GPHN: variants seen among roughly 807,000 people sequenced by gnomAD.
GPHN encodes the protein gephyrin.
GPHN carries 17 observed loss-of-function variants against 95.5 expected under a neutral mutation model. That is an observed-to-expected ratio of 0.18 (90% CI 0.12 to 0.27). The LOEUF (loss-of-function observed/expected upper bound fraction) is 0.27. GPHN is among the 10% of genes least tolerant of loss of function. The pLI, the probability that GPHN is intolerant of heterozygous loss-of-function variation, is 1.00. For synonymous variants in GPHN, 320 were observed against 322.5 expected (o/e 0.99, Z 0.08); for missense variants, 660 against 978.1 (o/e 0.67, Z 4.34).
At chr14:67,370,249 A>G in the GPHN span, among the ~76,000 whole-genome samples, 2 of 152,208 alleles carry the variant, frequency 1.3e-5, no homozygotes, top group African/African-American at 4.8e-5. Flanking sequence ...CATTATGGAC[A>G]TGTCGCAGTG....
At chr14:66,743,813 T>C (rs779419646) in intron 2 of GPHN, among the ~76,000 whole-genome samples, 7 of 152,192 alleles carry the variant, frequency 4.6e-5, no homozygotes, top group Non-Finnish European at 1.0e-4. Flanking sequence ...ATTTCCTTTA[T>C]CTTCTTGTAT....
intron 1 of GPHN, among the ~76,000 whole-genome samples, chr14:66,565,968 CTT>C (rs60387447): frequency 2.8e-5 from 4 of 143,232 alleles, no homozygotes; most frequent in Non-Finnish European, 3.1e-5. Flanking sequence ...AAAGAAAATT[CTT>C]TTTTTTTTTT....
chr14:66,766,040 A>G (rs1369318468), intron 2 of GPHN, among the ~76,000 whole-genome samples: 2 of 152,174 alleles, frequency 1.3e-5, no homozygotes, highest in Non-Finnish European at 2.9e-5. Context: ...TTGAGGGATA[A>G]TGGTTCTTGG....
chr14:67,405,986 G>A, the GPHN span, among the ~76,000 whole-genome samples: 7 of 152,162 alleles, frequency 4.6e-5, no homozygotes, highest in Non-Finnish European at 1.0e-4. Context: ...GGCCAGGCAC[G>A]GTGGCTCACA....
At chr14:67,302,664 C>T in the GPHN span, 2 of 981,424 alleles carry the variant, frequency 2.0e-6, no homozygotes, top group Non-Finnish European at 2.8e-6. Flanking sequence ...CTGTTAAGAG[C>T]ACTAGATGAT....
At chr14:67,625,360 A>G in the GPHN span, among the ~76,000 whole-genome samples, 1 of 152,162 alleles carries the variant, frequency 6.6e-6, no homozygotes, top group Non-Finnish European at 1.5e-5. Flanking sequence ...TAAATTAAAT[A>G]CATCTATGTT....
chr14:66,902,370 C>T (rs1433468844), intron 5 of GPHN, among the ~76,000 whole-genome samples: 3 of 152,012 alleles, frequency 2.0e-5, no homozygotes, highest in Admixed American at 2.0e-4. Context: ...GTTTCTTTCT[C>T]ATGCCTAATT....
intron 4 of GPHN, among the ~76,000 whole-genome samples, chr14:66,877,217 G>T (rs1164072642): frequency 6.6e-6 from 1 of 152,106 alleles, no homozygotes; most frequent in Non-Finnish European, 1.5e-5. Context: ...CAATAAACTA[G>T]GTATTGATGG....
intron 2 of GPHN, among the ~76,000 whole-genome samples, chr14:66,714,710 T>C (rs1386047413): frequency 2.0e-5 from 3 of 152,168 alleles, no homozygotes; most frequent in African/African-American, 7.2e-5. Flanking sequence ...TGTCAAATGC[T>C]TTTTTTGCAT....
chr14:67,208,322 A>C, the GPHN span: 1 of 1,614,018 alleles, frequency 6.2e-7, no homozygotes, highest in Non-Finnish European at 8.5e-7. Flanking sequence ...TGAAGGTAAA[A>C]GATATTTTCA....
At chr14:66,552,391 T>G (rs2059845573) in intron 1 of GPHN, among the ~76,000 whole-genome samples, 2 of 152,222 alleles carry the variant, frequency 1.3e-5, no homozygotes, top group Admixed American at 6.5e-5. Flanking sequence ...TTTAAACTTT[T>G]ATATACGTTA....
At chr14:67,374,765 G>C in the GPHN span, 1 of 365,424 alleles carries the variant, frequency 2.7e-6, no homozygotes, top group African/African-American at 2.1e-5. Context: ...ATAAAATACG[G>C]GGTTTTTTTG....
chr14:67,428,846 C>G, the GPHN span, among the ~76,000 whole-genome samples: 2 of 152,136 alleles, frequency 1.3e-5, no homozygotes, highest in African/African-American at 4.8e-5. Context: ...AGGGGGCCTG[C>G]TGGAGAGAGA....
At chr14:67,221,508 G>A in the GPHN span, among the ~76,000 whole-genome samples, 2 of 152,190 alleles carry the variant, frequency 1.3e-5, no homozygotes, top group African/African-American at 2.4e-5. Context: ...GGAGTGACTG[G>A]CAATAGATAT....
rs562441608 is a variant in GPHN at position 66,672,273 on chromosome 14, G to C, written c.65-8834G>C. Among the ~76,000 whole-genome samples the C allele has an allele frequency of 1.3e-4, 20 of 152,136 alleles. No individual in the cohort carries two copies. In the South Asian group the frequency reaches 1.5e-3, roughly 11 times the overall value. On this transcript the variant is annotated intron_variant, in intron 1 of 22. Transcript: ENST00000478722. The stretch of plus-strand genomic sequence containing the variant: ...TTTATTCTCCTGTTATTGATTTCTA[G>C]TTTAATTCCGTTATGGTCTGAGAGC...
intron 4 of GPHN, among the ~76,000 whole-genome samples, chr14:66,854,288 A>G (rs1330357331): frequency 6.6e-6 from 1 of 152,176 alleles, no homozygotes; most frequent in African/African-American, 2.4e-5. Flanking sequence ...CCTCATTTCA[A>G]GTTCACATTC....
chr14:67,704,985 G>C, the GPHN span, among the ~76,000 whole-genome samples: 1 of 152,232 alleles, frequency 6.6e-6, no homozygotes, highest in African/African-American at 2.4e-5. Flanking sequence ...GCAGGTCTAG[G>C]TAGTCCAGGG....
At chr14:67,656,535 G>C in the GPHN span, 2 of 1,613,698 alleles carry the variant, frequency 1.2e-6, no homozygotes, top group Non-Finnish European at 1.7e-6. Flanking sequence ...TGGGTGGCCC[G>C]GTTCAGGCTT....
the GPHN span, among the ~76,000 whole-genome samples, chr14:67,441,503 G>A: frequency 6.6e-6 from 1 of 152,168 alleles, no homozygotes; most frequent in Non-Finnish European, 1.5e-5. Context: ...TCAAACTCAG[G>A]CCGACTTCTC....
Sources: gnomAD v4.1 joint callset for allele counts (sites outside exome capture counted in the v4.1 genomes callset) on GRCh38, gnomAD v4.1.1 for gene constraint, MANE v1.5 for transcripts, NCBI Gene and HGNC (gene_info 2026-07-23, HGNC 2026-07-21) for gene names.